The following CTDP1 variants were observed in gnomAD, a reference collection of about 807,000 sequenced individuals.
CTDP1 encodes the protein CTD phosphatase 1.
CTDP1 carries 47 observed loss-of-function variants against 91.8 expected under a neutral mutation model. The ratio of observed to expected loss-of-function variants is 0.51; its 90% CI spans 0.41 to 0.65. The LOEUF (loss-of-function observed/expected upper bound fraction) is 0.65, where lower values mean the gene tolerates loss of function less well. Among genes scored for constraint, CTDP1 ranks in the 30% least tolerant of loss-of-function variants. The pLI is 0.00. For missense variants in CTDP1, 1,272 were observed against 1,373.7 expected (o/e 0.93, Z 1.17); for synonymous variants, 656 against 598.5 (o/e 1.10, Z -1.40).
At chr18:79,690,522 G>A (rs1036159825) in intron 1 of CTDP1, among the ~76,000 whole-genome samples, 2 of 152,226 alleles carry the variant, frequency 1.3e-5, no homozygotes, top group Non-Finnish European at 2.9e-5. Context: ...GTGTGGAGAC[G>A]TTTCTCTGCC....
downstream of CTDP1, chr18:79,755,299 G>T (rs1379615512): frequency 6.6e-6 from 1 of 152,200 alleles, no homozygotes; most frequent in African/African-American, 2.4e-5. Context: ...CCACCTGTGG[G>T]TTCTCCGGGG....
chr18:79,706,777 C>T (rs1056021625), intron 5 of CTDP1, among the ~76,000 whole-genome samples: 2 of 152,220 alleles, frequency 1.3e-5, no homozygotes, highest in African/African-American at 4.8e-5. Context: ...GGTTCCTGAC[C>T]CCCAGGACTG....
At chr18:79,743,032 T>C (rs1403115834) in intron 12 of CTDP1, among the ~76,000 whole-genome samples, 2 of 152,214 alleles carry the variant, frequency 1.3e-5, no homozygotes, top group Non-Finnish European at 2.9e-5. Context: ...CATTTGCCAG[T>C]AGCCGCGCCG....
intron 12 of CTDP1, among the ~76,000 whole-genome samples, chr18:79,737,635 C>T (rs955126591): frequency 2.6e-5 from 4 of 152,024 alleles, no homozygotes; most frequent in African/African-American, 9.7e-5. Flanking sequence ...CGTCCCGCAT[C>T]CCCCATGCAT....
chr18:79,680,458 G>A (rs535368643), intron 1 of CTDP1, among the ~76,000 whole-genome samples, 197 bp downstream of exon 1: 6 of 152,368 alleles, frequency 3.9e-5, no homozygotes, highest in South Asian at 2.1e-4. Context: ...AGCATTTTGA[G>A]ATAAAAGGAA....
intron 10 of CTDP1, among the ~76,000 whole-genome samples, chr18:79,726,557 T>C (rs979225851): frequency 6.6e-6 from 1 of 151,978 alleles, no homozygotes; most frequent in Non-Finnish European, 1.5e-5. Flanking sequence ...TGTCACATCA[T>C]GTTAGGAGAC....
rs2086191463 is a variant in CTDP1, at chr18:79,715,634, A to G, written c.2068+106A>G. The stretch of plus-strand genomic sequence containing the variant: ...TTTATCTCACTTTCAATTTTCAGAA[A>G]CATTTCCCAGAATCACCATCTTTTA... On this transcript the variant is annotated intron_variant, in intron 8 of 12. Transcript: ENST00000613122. 6 of 1,184,540 alleles carry G rather than the reference A, an allele frequency of 5.1e-6. No homozygotes were observed. The Admixed American group carries it at 1.2e-4, about 24-fold the overall frequency. The allele number at this position is 1,184,540 out of a possible 1,614,324, so 73.4% of individuals were successfully genotyped here. A position where few individuals can be genotyped will look rare whatever the true frequency, so the allele number is the denominator to read the frequency against.
In CTDP1 at chr18:79,736,252, C is replaced by G. The variant is rs115700428; in HGVS notation, c.2581-103C>G. On this transcript the variant is annotated intron_variant, in intron 11 of 12. Transcript: ENST00000613122. Reference sequence around the variant, plus strand: ...AAAGCAGAGTGCTACCTCCAGCCCCCACCCTGCTGCACTCAGAGCCCTGGA... The same window carrying G: ...AAAGCAGAGTGCTACCTCCAGCCCCGACCCTGCTGCACTCAGAGCCCTGGA... 9.8e-4 allele frequency: 1,431 copies of G among 1,452,874 alleles called. 7 individuals are homozygous for G. In the African/African-American group the frequency reaches 0.015, roughly 15 times the overall value. The allele number at this position is 1,452,874 out of a possible 1,614,324, so 90.0% of individuals were successfully genotyped here. A position where few individuals can be genotyped will look rare whatever the true frequency, so the allele number is the denominator to read the frequency against.
chr18:79,684,257 A>G (rs1460246854), intron 1 of CTDP1, among the ~76,000 whole-genome samples: 3 of 152,256 alleles, frequency 2.0e-5, no homozygotes, highest in Non-Finnish European at 4.4e-5. Context: ...GGAGCAGACT[A>G]CGCGCTGCTC....
intron 1 of CTDP1, among the ~76,000 whole-genome samples, chr18:79,690,137 G>A (rs1166937700): frequency 6.6e-6 from 1 of 152,192 alleles, no homozygotes; most frequent in African/African-American, 2.4e-5. Flanking sequence ...GGAAGACCCT[G>A]GAGCCCTCCT....
chr18:79,713,243 C>T lies in CTDP1; in HGVS notation c.1030+105C>T. The T allele has an allele frequency of 2.6e-6, 3 of 1,175,356 alleles. No individual in the cohort carries two copies. Among genetic ancestry groups the T allele is most frequent in the Non-Finnish European group, 3.7e-6 (3 of 813,576 alleles). The allele number at this position is 1,175,356 out of a possible 1,614,324, so 72.8% of individuals were successfully genotyped here. A position where few individuals can be genotyped will look rare whatever the true frequency, so the allele number is the denominator to read the frequency against. ...TTGACTGCTATAAATTCAAGATACA[C>T]TTTTTTTATTTGTGTTTCAGTAGAG... is the stretch of plus-strand genomic sequence containing the variant. On this transcript the variant is annotated intron_variant, in intron 7 of 12. Transcript: ENST00000613122. This position sits in a 1 kb window ranked among gnomAD's most constrained non-coding sequence, Gnocchi z 4.7.
intron 10 of CTDP1, among the ~76,000 whole-genome samples, chr18:79,725,330 G>A (rs1426625767): frequency 2.0e-5 from 3 of 152,166 alleles, no homozygotes; most frequent in South Asian, 2.1e-4. Context: ...GTGAGACTGC[G>A]GACTTGCCCC....
chr18:79,689,968 A>G (rs1249227771), intron 1 of CTDP1, among the ~76,000 whole-genome samples: 6 of 152,244 alleles, frequency 3.9e-5, no homozygotes, highest in Admixed American at 3.9e-4. Context: ...AACGGATTCT[A>G]GGCTGCTGCT....
At chr18:79,725,246 G>C (rs1012900684) in intron 10 of CTDP1, among the ~76,000 whole-genome samples, 2 of 152,296 alleles carry the variant, frequency 1.3e-5, no homozygotes, top group Non-Finnish European at 2.9e-5. Context: ...TTGTCACGTT[G>C]TGTGCCGTCT....
intron 11 of CTDP1, among the ~76,000 whole-genome samples, chr18:79,732,889 A>G (rs1360784511): frequency 6.6e-6 from 1 of 152,038 alleles, no homozygotes; most frequent in Non-Finnish European, 1.5e-5. Flanking sequence ...ACTCGCTAAC[A>G]TCAGGAGTGC....
At chr18:79,695,092 C>A in intron 1 of CTDP1, 133 bp from the exon 2 acceptor site, 1 of 798,280 alleles carries the variant, frequency 1.3e-6, no homozygotes, top group Non-Finnish European at 2.2e-6. Context: ...GGGGTGATGT[C>A]ACCTGCCTAC....
rs375766379 is a variant in CTDP1 at position 79,696,094 on chromosome 18, G to A, written c.492+24G>A. On this transcript the variant is annotated intron_variant, in intron 3 of 12. Coordinates refer to ENST00000613122, the MANE Select transcript of CTDP1 (RefSeq NM_004715.5). ...AGGTGAGCCGGGCATCAGTGGCGGC[G>A]TGTTGGGGAAGCGTGGTGCTCTGAG... 59 of 1,602,644 alleles carry A rather than the reference G, an allele frequency of 3.7e-5. No homozygotes were observed. The Admixed American group carries it at 3.8e-4, about 10-fold the overall frequency.
chr18:79,738,046 G>A (rs1185943010), intron 12 of CTDP1, among the ~76,000 whole-genome samples: 8 of 32,596 alleles, frequency 2.5e-4, no homozygotes, highest in South Asian at 1.8e-3. Flanking sequence ...CCTGCTCACC[G>A]CCCCCGGGAG....
At chr18:79,737,198 G>A (rs1258995233) in intron 12 of CTDP1, among the ~76,000 whole-genome samples, 1 of 152,238 alleles carries the variant, frequency 6.6e-6, no homozygotes, top group Non-Finnish European at 1.5e-5. Flanking sequence ...CCTGCTCCTT[G>A]TGACTGGTCA....
Sources: allele counts gnomAD v4.1 joint callset (sites outside exome capture counted in the v4.1 genomes callset), GRCh38; gene constraint gnomAD v4.1.1; non-coding constraint Gnocchi (gnomAD v3.1); transcripts MANE v1.5; gene names NCBI Gene and HGNC (gene_info 2026-07-23, HGNC 2026-07-21).